DOK4: variants seen among roughly 807,000 people sequenced by gnomAD.
DOK4 encodes downstream of tyrosine kinase 4.
A neutral mutation model predicts 40.1 loss-of-function variants in DOK4; 26 were observed. The ratio of observed to expected loss-of-function variants is 0.65; its 90% CI spans 0.48 to 0.90. The LOEUF (loss-of-function observed/expected upper bound fraction) is 0.90, where lower values mean the gene tolerates loss of function less well. Ranked by LOEUF, DOK4 falls within the 40% of genes least tolerant of loss-of-function variation. DOK4 has a pLI of 0.00. For missense variants in DOK4, 392 were observed against 437.2 expected, an observed-to-expected ratio of 0.90 and a Z score of 0.92; for synonymous variants, 179 against 177.0, an observed-to-expected ratio of 1.01 and a Z score of -0.09.
At chr16:57,484,705 C>A (rs1370242993) in intron 1 of DOK4, among the ~76,000 whole-genome samples, 1 of 152,210 alleles carries the variant, frequency 6.6e-6, no homozygotes, top group African/African-American at 2.4e-5. Flanking sequence ...TGTTCCCTCA[C>A]ATGCTCATGG....
At chr16:57,477,465 A>G (rs1428804906) in intron 2 of DOK4, among the ~76,000 whole-genome samples, 1 of 152,226 alleles carries the variant, frequency 6.6e-6, no homozygotes, top group East Asian at 1.9e-4. Context: ...GAATGACCAT[A>G]TGAAGGAACC....
intron 1 of DOK4, among the ~76,000 whole-genome samples, chr16:57,482,238 G>T (rs907229348): frequency 6.6e-6 from 1 of 151,894 alleles, no homozygotes; most frequent in Non-Finnish European, 1.5e-5. Context: ...CACGGCTTAC[G>T]GCAGCCTCAA....
chr16:57,482,224 C>A (rs2031434390), intron 1 of DOK4, among the ~76,000 whole-genome samples: 1 of 152,100 alleles, frequency 6.6e-6, no homozygotes, highest in African/African-American at 2.4e-5. Context: ...TGCAGGGGTG[C>A]CATCACGGCT....
chr16:57,480,933 G>C lies in DOK4; in HGVS notation c.-181-1245C>G, dbSNP rs552262919. 2.0e-3 allele frequency among the ~76,000 whole-genome samples: 302 copies of C among 150,396 alleles called. 1 individual carries two copies. The highest frequency in any genetic ancestry group is 2.8e-3 in the Non-Finnish European group (191 of 68,016). Reference sequence around the variant, plus strand: ...AGGGTGGTGATGGAGACCAGTCTGTGGGGGGAACATCCTGCTGCCGTCTCT... The same window carrying C: ...AGGGTGGTGATGGAGACCAGTCTGTCGGGGGAACATCCTGCTGCCGTCTCT... On this transcript the variant is annotated intron_variant, in intron 1 of 8. Coordinates refer to ENST00000340099, the Ensembl canonical transcript of DOK4.
At chr16:57,472,207 C>T (rs2030882954) in exon 9 of DOK4, 1 of 152,516 alleles carries the variant, frequency 6.6e-6, no homozygotes, top group South Asian at 2.1e-4. Flanking sequence ...GCTTTATCAT[C>T]CTCCTGCCAC....
intron 6 of DOK4, 55 bp from the exon 7 acceptor site, chr16:57,474,094 T>G: frequency 6.2e-7 from 1 of 1,605,184 alleles, no homozygotes; most frequent in South Asian, 1.1e-5. Flanking sequence ...GACATGCATG[T>G]GATTAGTTAG....
intron 4 of DOK4, 87 bp downstream of exon 4, chr16:57,475,419 G>T: frequency 4.9e-6 from 7 of 1,415,110 alleles, no homozygotes; most frequent in Non-Finnish European, 6.8e-6. Flanking sequence ...TCCACCCAGG[G>T]TTAGCCCTGC....
exon 9 of DOK4, chr16:57,473,353 C>A: frequency 6.2e-7 from 1 of 1,603,116 alleles, no homozygotes; most frequent in South Asian, 1.1e-5. Flanking sequence ...CCCCAGCAGT[C>A]ATCGGTGCTC....
At chr16:57,486,463 G>C (rs1413761928) in exon 1 of DOK4, 9 of 150,160 alleles carry the variant, frequency 6.0e-5, no homozygotes, top group East Asian at 2.4e-4. Flanking sequence ...GCTAGGGATC[G>C]GGCTCCGGCT....
intron 1 of DOK4, among the ~76,000 whole-genome samples, chr16:57,482,569 G>A (rs930134405): frequency 4.6e-5 from 7 of 151,742 alleles, no homozygotes; most frequent in South Asian, 4.2e-4. Context: ...GGGTTTCACC[G>A]TGTTAGCCAG....
intron 1 of DOK4, among the ~76,000 whole-genome samples, chr16:57,482,097 C>T (rs927221849): frequency 6.6e-6 from 1 of 152,058 alleles, no homozygotes; most frequent in Non-Finnish European, 1.5e-5. Flanking sequence ...ATCTCCTGAC[C>T]TCATGATCCG....
chr16:57,473,594 G>T lies in DOK4; in HGVS notation c.862+19C>A. 6.2e-7 allele frequency: 1 copy of T among 1,614,256 alleles called. No individual in the cohort carries two copies. The highest frequency in any genetic ancestry group is 8.5e-7 in the Non-Finnish European group (1 of 1,180,046). ...CAAAGCCTCCTGGCAGGTGGGTGTG[G>T]GGCATGGAAGCGACTCACCAGCATA... On this transcript the variant is annotated intron_variant, in intron 8 of 8. Transcript: ENST00000340099.
chr16:57,475,387 CCA>C (rs1272470308), intron 4 of DOK4, 117 bp downstream of exon 4: 3 of 1,359,432 alleles, frequency 2.2e-6, no homozygotes, highest in Non-Finnish European at 3.0e-6. Flanking sequence ...ACCCCCAACC[CCA>C]CACACACCAC....
chr16:57,478,377 C>T (rs2031278057), intron 2 of DOK4, among the ~76,000 whole-genome samples: 1 of 146,850 alleles, frequency 6.8e-6, no homozygotes, highest in South Asian at 2.2e-4. Flanking sequence ...CCCAACCCCA[C>T]TCAGGCTGAG....
chr16:57,473,984 TCTG>T, exon 7 of DOK4: 2 of 1,613,854 alleles, frequency 1.2e-6, no homozygotes, highest in South Asian at 1.1e-5. Context: ...CGCTGGTAAA[TCTG>T]CTCCCCCTCT....
At chr16:57,474,772 T>C (rs2031063307) in intron 6 of DOK4, 21 bp downstream of exon 6, 1 of 1,611,090 alleles carries the variant, frequency 6.2e-7, no homozygotes, top group Non-Finnish European at 8.5e-7. Flanking sequence ...AGGACAGGGC[T>C]GGGAGGCGAG....
At chr16:57,472,156 C>G (rs1401858529) in exon 9 of DOK4, 5 of 152,542 alleles carry the variant, frequency 3.3e-5, no homozygotes, top group African/African-American at 1.2e-4. Flanking sequence ...GCTGACTGCA[C>G]CACCTCCCTA....
At chr16:57,473,865 T>G in intron 7 of DOK4, 36 bp downstream of exon 7, 11 of 1,532,458 alleles carry the variant, frequency 7.2e-6, no homozygotes, top group South Asian at 1.1e-5. Context: ...CGTTCCCCCC[T>G]CCCCCCGTAC....
chr16:57,478,373 C>A (rs1329010564), intron 2 of DOK4, among the ~76,000 whole-genome samples: 1 of 151,782 alleles, frequency 6.6e-6, no homozygotes, highest in Non-Finnish European at 1.5e-5. Context: ...GCCCCCCAAC[C>A]CCACTCAGGC....
Sources: gnomAD v4.1 joint callset for allele counts (sites outside exome capture counted in the v4.1 genomes callset) on GRCh38, gnomAD v4.1.1 for gene constraint, MANE v1.5 for transcripts, NCBI Gene and HGNC (gene_info 2026-07-23, HGNC 2026-07-21) for gene names.